The following LDB3 variants were observed in gnomAD, a reference collection of about 807,000 sequenced individuals.
LDB3 encodes the protein LIM domain-binding protein 3.
A neutral mutation model predicts 69.0 loss-of-function variants in LDB3; 49 were observed. The ratio of observed to expected loss-of-function variants is 0.71; its 90% CI spans 0.56 to 0.90. LDB3 has a LOEUF of 0.90. Ranked by LOEUF, LDB3 falls within the 40% of genes least tolerant of loss-of-function variation. LDB3 has a pLI of 0.00. For synonymous variants in LDB3, 387 were observed against 396.2 expected (o/e 0.98, Z 0.28); for missense variants, 928 against 974.1 (o/e 0.95, Z 0.63).
chr10:86,718,013 A>G lies in LDB3; in HGVS notation c.1726A>G (p.Thr576Ala). ...MGRSWHPEEFTCAYCKTSLAD... is the reference protein window; with the variant it reads ...MGRSWHPEEFACAYCKTSLAD... The stretch of plus-strand genomic sequence containing the variant: ...CCGTTCTTGGCACCCTGAAGAGTTC[A>G]CCTGTGCCTACTGCAAGACTTCCCT... The change falls in exon 11 of 14, where the codon ACC becomes GCC. Residue 576 changes from threonine to alanine, a missense_variant. Physicochemically the swap from Thr to Ala is moderately conservative, Grantham distance 58. Coordinates refer to ENST00000361373, the MANE Select transcript of LDB3 (RefSeq NM_007078.3). The G allele has an allele frequency of 6.2e-7, 1 of 1,614,162 alleles. No individual in the cohort carries two copies. The highest frequency in any genetic ancestry group is 8.5e-7 in the Non-Finnish European group (1 of 1,180,028).
At chr10:86,706,786 C>T in intron 8 of LDB3, 67 bp downstream of exon 8, 2 of 1,510,624 alleles carry the variant, frequency 1.3e-6, no homozygotes, top group Admixed American at 3.9e-5. Context: ...CACTCTGGGT[C>T]TACCTGTGGC....
At position 86,699,614 on chromosome 10, in the gene LDB3, A is replaced by G; in HGVS notation, c.897-6917A>G. On this transcript the variant is annotated intron_variant, in intron 7 of 13. Coordinates refer to ENST00000361373, the MANE Select transcript of LDB3 (RefSeq NM_007078.3). The surrounding 1 kb of genome is among the most constrained non-coding windows in gnomAD (Gnocchi z 4.9). Reference sequence around the variant, plus strand: ...CCAGGGCAACCCTCGCCACCCCCCAAATAGCCCGTAGCCCAATCCCCTGCC... The same window carrying G: ...CCAGGGCAACCCTCGCCACCCCCCAGATAGCCCGTAGCCCAATCCCCTGCC... 1 of 1,356,254 alleles carries G rather than the reference A, an allele frequency of 7.4e-7. No individual in the cohort carries two copies. The highest frequency in any genetic ancestry group is 1.5e-5 in the South Asian group (1 of 66,138). 84.0% of individuals were successfully genotyped at this position (1,356,254 alleles called of 1,614,324 possible).
At chr10:86,669,318 C>T (rs1003400489) in intron 2 of LDB3, among the ~76,000 whole-genome samples, 1 of 152,224 alleles carries the variant, frequency 6.6e-6, no homozygotes, top group Non-Finnish European at 1.5e-5. Context: ...AAACTTGAGA[C>T]ACCAAGACCC....
chr10:86,683,931 G>T (rs1845301732), intron 5 of LDB3, among the ~76,000 whole-genome samples: 1 of 152,222 alleles, frequency 6.6e-6, no homozygotes, highest in Non-Finnish European at 1.5e-5. Flanking sequence ...TTAGAATTAG[G>T]AAACAGGCTG....
chr10:86,669,202 G>A (rs1844325425), intron 2 of LDB3, among the ~76,000 whole-genome samples: 1 of 152,196 alleles, frequency 6.6e-6, no homozygotes, highest in African/African-American at 2.4e-5. Context: ...GAGAGGGCAG[G>A]TGATGGGCAG....
intron 2 of LDB3, among the ~76,000 whole-genome samples, chr10:86,674,015 G>A (rs1485942070): frequency 1.3e-5 from 2 of 152,120 alleles, no homozygotes; most frequent in Non-Finnish European, 2.9e-5. Flanking sequence ...CAACACCCAG[G>A]CCCCTCTAGG....
rs1846877333 is a variant in LDB3 at position 86,716,454 on chromosome 10, C to T, written c.1359C>T (p.Tyr453=). The T allele has an allele frequency of 6.2e-7, 1 of 1,600,562 alleles. No individual in the cohort carries two copies. Among genetic ancestry groups the T allele is most frequent in the Non-Finnish European group, 8.5e-7 (1 of 1,174,182 alleles). Residue 453 remains tyrosine (Y), a synonymous_variant, in exon 10 of 14, where the codon TAC becomes TAT. Coordinates refer to ENST00000361373, the MANE Select transcript of LDB3 (RefSeq NM_007078.3). Reference sequence around the variant, plus strand: ...ACACCCCCTCACCTGTCCCCACCTACACTCCATCCCCAGCACCAGCCTATA... The same window carrying T: ...ACACCCCCTCACCTGTCCCCACCTATACTCCATCCCCAGCACCAGCCTATA... The part of the protein sequence containing the change: ...PAYTPSPVPT[Y]TPSPAPAYTP...
chr10:86,712,695 T>C (rs1426454452), intron 9 of LDB3, among the ~76,000 whole-genome samples: 1 of 152,238 alleles, frequency 6.6e-6, no homozygotes, highest in Non-Finnish European at 1.5e-5. Context: ...AAATTTCCTA[T>C]TAGCCACATT....
In LDB3 at chr10:86,692,669, G is replaced by A. The variant is rs1845823108; in HGVS notation, c.896+98G>A. On this transcript the variant is annotated intron_variant, in intron 7 of 13. Coordinates refer to ENST00000361373, the MANE Select transcript of LDB3 (RefSeq NM_007078.3). ...ATCACTCATGGAAGGGACCTCTCAA[G>A]TTCATGGATTTGGAAAGCCTGGCCT... The A allele has an allele frequency of 2.7e-6, 3 of 1,116,878 alleles. No homozygotes were observed. In the South Asian group the frequency reaches 3.7e-5, roughly 14 times the overall value. 69.2% of individuals were successfully genotyped at this position (1,116,878 alleles called of 1,614,324 possible).
chr10:86,732,278 G>A (rs375173240), intron 13 of LDB3, among the ~76,000 whole-genome samples: 2 of 151,886 alleles, frequency 1.3e-5, no homozygotes, highest in East Asian at 3.9e-4. Context: ...AACTTGTATT[G>A]ACTCTATTCA....
intron 5 of LDB3, among the ~76,000 whole-genome samples, chr10:86,689,819 G>A (rs1309856345): frequency 3.3e-5 from 5 of 152,184 alleles, no homozygotes; most frequent in East Asian, 1.9e-4. Context: ...CTGATGTTGC[G>A]GTGACTGTGG....
rs749338915 is a variant in LDB3 at position 86,692,518 on chromosome 10, C to G, written c.860-17C>G. 2 of 1,614,036 alleles carry G rather than the reference C, an allele frequency of 1.2e-6. No homozygotes were observed. Among genetic ancestry groups the G allele is most frequent in the South Asian group, 2.2e-5 (2 of 91,082 alleles). On this transcript the variant is annotated splice_polypyrimidine_tract_variant and intron_variant, in intron 6 of 13. Transcript: ENST00000361373. ...TGTCTCCCGTGAGTCCCCTGACCAG[C>G]TCCTTTCTACCAACAGTGCAAGACC...
At chr10:86,692,233 G>T (rs1845799974) in intron 6 of LDB3, among the ~76,000 whole-genome samples, 168 bp downstream of exon 6, 1 of 152,236 alleles carries the variant, frequency 6.6e-6, no homozygotes. Context: ...GGCCTCTCAG[G>T]CAGGCTGTCC....
intron 5 of LDB3, among the ~76,000 whole-genome samples, chr10:86,682,508 A>AG (rs567990869): frequency 1.3e-5 from 2 of 152,078 alleles, no homozygotes; most frequent in Admixed American, 1.3e-4. Flanking sequence ...GGGGCACTGT[A>AG]GGGGGGAGGC....
chr10:86,713,064 A>C (rs1289542277), intron 9 of LDB3, among the ~76,000 whole-genome samples: 1 of 132,750 alleles, frequency 7.5e-6, no homozygotes, highest in African/African-American at 3.1e-5. Context: ...TCCGTCTCAA[A>C]AATATATATA....
At chr10:86,694,143 T>G (rs1845901781) in intron 7 of LDB3, among the ~76,000 whole-genome samples, 1 of 152,224 alleles carries the variant, frequency 6.6e-6, no homozygotes. Flanking sequence ...AGCAAACTTT[T>G]GTCTTTTCTT....
chr10:86,681,189 T>C (rs1283358803), intron 4 of LDB3, among the ~76,000 whole-genome samples: 2 of 152,258 alleles, frequency 1.3e-5, no homozygotes, highest in East Asian at 3.8e-4. Context: ...GAAGCTTGGC[T>C]TGGCTTCCAT....
intron 4 of LDB3, 98 bp downstream of exon 4, chr10:86,680,255 G>T (rs1845038376): frequency 1.8e-6 from 2 of 1,089,970 alleles, no homozygotes; most frequent in South Asian, 2.6e-5. Flanking sequence ...CAACTGGGAT[G>T]AGGCCGTGGG....
At chr10:86,671,759 C>G (rs908367548) in intron 2 of LDB3, among the ~76,000 whole-genome samples, 1 of 152,222 alleles carries the variant, frequency 6.6e-6, no homozygotes, top group South Asian at 2.1e-4. Context: ...CTGCTGCTCT[C>G]AGCTGTGTCA....
Sources: gnomAD v4.1 joint callset for allele counts (sites outside exome capture counted in the v4.1 genomes callset) on GRCh38, gnomAD v4.1.1 for gene constraint, Gnocchi (gnomAD v3.1) non-coding constraint, MANE v1.5 for transcripts, NCBI Gene and HGNC (gene_info 2026-07-23, HGNC 2026-07-21) for gene names.